Variants in ZDHHC18 observed in about 807,000 individuals in gnomAD.
The protein encoded by ZDHHC18 is zDHHC palmitoyltransferase 18.
In ZDHHC18, 23 loss-of-function variants were observed where a neutral mutation model predicts 37.5. The ratio of observed to expected loss-of-function variants is 0.61; its 90% CI spans 0.44 to 0.87. The LOEUF (loss-of-function observed/expected upper bound fraction) is 0.87, where lower values mean the gene tolerates loss of function less well. Ranked by LOEUF, ZDHHC18 falls within the 40% of genes least tolerant of loss-of-function variation. The pLI, the probability that ZDHHC18 is intolerant of heterozygous loss-of-function variation, is 0.00. For missense variants in ZDHHC18, 406 were observed against 525.6 expected, an observed-to-expected ratio of 0.77 and a Z score of 2.22; for synonymous variants, 185 against 218.7, an observed-to-expected ratio of 0.85 and a Z score of 1.36.
At chr1:26,837,365 A>C (rs1004140411) in intron 2 of ZDHHC18, among the ~76,000 whole-genome samples, 3 of 147,744 alleles carry the variant, frequency 2.0e-5, no homozygotes, top group African/African-American at 7.4e-5. Context: ...AATATGTATA[A>C]TATACATTTT....
intron 1 of ZDHHC18, among the ~76,000 whole-genome samples, chr1:26,831,415 T>C (rs2081588459): frequency 6.6e-6 from 1 of 152,168 alleles, no homozygotes; most frequent in Non-Finnish European, 1.5e-5. Flanking sequence ...GGAGTTTGGA[T>C]TGTATTCAAA....
intron 3 of ZDHHC18, 47 bp downstream of exon 3, chr1:26,848,804 C>A: frequency 6.3e-7 from 1 of 1,590,334 alleles, no homozygotes; most frequent in Non-Finnish European, 8.6e-7. Context: ...CTGAGAGAGA[C>A]TGAGTCGTGG....
chr1:26,832,487 A>G lies in ZDHHC18; in HGVS notation c.376A>G (p.Ile126Val). The change falls in exon 2 of 8, where the codon ATC (isoleucine) becomes GTC (valine). Residue 126 changes from isoleucine to valine, a missense_variant. Physicochemically the swap from Ile to Val is conservative, Grantham distance 29. Coordinates refer to ENST00000374142, the MANE Select transcript of ZDHHC18 (RefSeq NM_032283.3). Reference protein sequence around the residue: ...LARKLTLAIPIIAAILFFFVM... With the variant: ...LARKLTLAIPVIAAILFFFVM... The stretch of plus-strand genomic sequence containing the variant: ...TCGCAAGCTGACCCTTGCCATCCCC[A>G]TCATCGCTGCCATCCTCTTCTTCTT... 6.2e-7 allele frequency: 1 copy of G among 1,614,028 alleles called. No homozygotes were observed. Among genetic ancestry groups the G allele is most frequent in the East Asian group, 2.2e-5 (1 of 44,870 alleles).
rs1013610469 is a variant in ZDHHC18, at chr1:26,854,003, C to A, written c.*160C>A. 5.9e-6 allele frequency: 4 copies of A among 679,682 alleles called. No homozygotes were observed. The Admixed American group carries it at 8.0e-5, about 14-fold the overall frequency. The allele number at this position is 679,682 out of a possible 1,614,324, so 42.1% of individuals were successfully genotyped here. The stretch of plus-strand genomic sequence containing the variant: ...TGGCTTTCCCTGAACTGTTCCGTGG[C>A]TGTGCCCTCTGCTCCCCAAACCCAG... On this transcript the variant is annotated 3_prime_UTR_variant, in exon 8 of 8. Transcript: ENST00000374142. The surrounding 1 kb of genome is among the most constrained non-coding windows in gnomAD (Gnocchi z 4.6).
chr1:26,844,642 C>T (rs188257157), intron 2 of ZDHHC18, among the ~76,000 whole-genome samples: 5 of 152,256 alleles, frequency 3.3e-5, no homozygotes, highest in South Asian at 2.1e-4. Flanking sequence ...TTGTCCAAAG[C>T]GGTCATATGA....
At chr1:26,832,873 T>A (rs1022872899) in intron 2 of ZDHHC18, among the ~76,000 whole-genome samples, 1 of 152,238 alleles carries the variant, frequency 6.6e-6, no homozygotes, top group Admixed American at 6.5e-5. Context: ...AGGCACTGTT[T>A]TAAGCTCTTT....
At chr1:26,843,286 G>A (rs1022653249) in intron 2 of ZDHHC18, among the ~76,000 whole-genome samples, 15 of 150,980 alleles carry the variant, frequency 9.9e-5, no homozygotes, top group African/African-American at 3.4e-4. Flanking sequence ...GGAATTATAG[G>A]CACGCACCAC....
chr1:26,827,786 C>T (rs568470227), intron 1 of ZDHHC18, among the ~76,000 whole-genome samples: 1 of 152,266 alleles, frequency 6.6e-6, no homozygotes, highest in Non-Finnish European at 1.5e-5. Context: ...AATCTTTGGG[C>T]CTCTCGGGCC....
Position 26,826,952 on chromosome 1 carries a change from A to AGCG in ZDHHC18, c.150_151insGGC (p.Ser50_Ser51insGly). ...CGCCCCCGCCCCGCCGCGCTGGAGC[A>AGCG]GCAGCGGCAGCGGCAGCGGCAGCGG... On this transcript the variant is annotated inframe_insertion, in exon 1 of 8. Transcript: ENST00000374142. This position sits in a 1 kb window ranked among gnomAD's most constrained non-coding sequence, Gnocchi z 5.2. 2 of 1,191,598 alleles carry AGCG rather than the reference A, an allele frequency of 1.7e-6. No homozygotes were observed. Among genetic ancestry groups the AGCG allele is most frequent in the Non-Finnish European group, 2.1e-6 (2 of 962,912 alleles). 73.8% of individuals were successfully genotyped at this position (1,191,598 alleles called of 1,614,324 possible).
chr1:26,838,537 T>C (rs952271211), intron 2 of ZDHHC18, among the ~76,000 whole-genome samples: 35 of 152,218 alleles, frequency 2.3e-4, no homozygotes, highest in African/African-American at 7.2e-4. Context: ...ATGTCATTAA[T>C]TGAATAGCTA....
chr1:26,827,454 A>C (rs2081563802), intron 1 of ZDHHC18, among the ~76,000 whole-genome samples: 1 of 146,686 alleles, frequency 6.8e-6, no homozygotes. Context: ...ACCAGCCTCC[A>C]TGCCCCTCCA....
rs947021452 is a variant in ZDHHC18, at chr1:26,850,513, T to G, written c.785-45T>G. Reference sequence around the variant, plus strand: ...CTCAAGGGTCAGCAAGCTTCAGCAGTCACTGTCCCTCTGAGCTTGTCCTCT... The same window carrying G: ...CTCAAGGGTCAGCAAGCTTCAGCAGGCACTGTCCCTCTGAGCTTGTCCTCT... On this transcript the variant is annotated intron_variant, in intron 4 of 7. Coordinates refer to ENST00000374142, the MANE Select transcript of ZDHHC18 (RefSeq NM_032283.3). This position sits in a 1 kb window ranked among gnomAD's most constrained non-coding sequence, Gnocchi z 6.1. 6.2e-7 allele frequency: 1 copy of G among 1,614,220 alleles called. No homozygotes were observed. The highest frequency in any genetic ancestry group is 1.3e-5 in the African/African-American group (1 of 75,062).
intron 2 of ZDHHC18, among the ~76,000 whole-genome samples, chr1:26,845,708 T>A (rs887922945): frequency 2.0e-4 from 30 of 152,048 alleles, no homozygotes; most frequent in Non-Finnish European, 1.3e-4. Context: ...GAAAAAAAAA[T>A]TTAATTTTGA....
chr1:26,847,677 TTCTC>T (rs1207496519), intron 2 of ZDHHC18, among the ~76,000 whole-genome samples: 1 of 151,908 alleles, frequency 6.6e-6, no homozygotes, highest in Non-Finnish European at 1.5e-5. Context: ...CTGCCTCTCT[TTCTC>T]TCTCTCTCTT....
intron 7 of ZDHHC18, 39 bp downstream of exon 7, chr1:26,852,904 T>C (rs370129878): frequency 8.8e-6 from 14 of 1,591,826 alleles, no homozygotes; most frequent in African/African-American, 2.7e-5. Flanking sequence ...AACAGGGCCA[T>C]GCCTGGCCAG....
chr1:26,832,566 G>A lies in ZDHHC18; in HGVS notation c.455G>A (p.Arg152Gln), dbSNP rs774910852. ...TSFTDPGILP[R>Q]ATVCEAAALE... ...TTCACCGACCCTGGGATCCTGCCCC[G>A]GGCCACTGTCTGTGAAGCAGCCGCC... Residue 152 changes from arginine (R) to glutamine (Q), a missense_variant, in exon 2 of 8, where the codon CGG (arginine) becomes CAG (glutamine). Transcript: ENST00000374142. 1.5e-5 allele frequency: 25 copies of A among 1,614,036 alleles called. No homozygotes were observed. The highest frequency in any genetic ancestry group is 6.7e-5 in the East Asian group (3 of 44,902).
intron 2 of ZDHHC18, among the ~76,000 whole-genome samples, chr1:26,842,026 C>G (rs1341340294): frequency 6.6e-6 from 1 of 151,792 alleles, no homozygotes; most frequent in Non-Finnish European, 1.5e-5. Context: ...TCCCAGCTAC[C>G]CAGGAGGCTG....
chr1:26,838,982 C>T (rs2081625848), intron 2 of ZDHHC18, among the ~76,000 whole-genome samples: 2 of 152,274 alleles, frequency 1.3e-5, no homozygotes, highest in Admixed American at 6.5e-5. Context: ...CAGCTGTTTC[C>T]TCTGCAGGTG....
At chr1:26,827,288 GC>G in intron 1 of ZDHHC18, 149 bp downstream of exon 1, 3 of 602,016 alleles carry the variant, frequency 5.0e-6, no homozygotes, top group South Asian at 5.9e-5. Flanking sequence ...CCTCTTGTCT[GC>G]CCCCCTGGCC....
Sources: gnomAD v4.1 joint callset for allele counts (sites outside exome capture counted in the v4.1 genomes callset) on GRCh38, gnomAD v4.1.1 for gene constraint, Gnocchi (gnomAD v3.1) non-coding constraint, MANE v1.5 for transcripts, NCBI Gene and HGNC (gene_info 2026-07-23, HGNC 2026-07-21) for gene names.